ITPR2: variants seen among roughly 807,000 people sequenced by gnomAD.
ITPR2 encodes inositol 1,4,5-trisphosphate-gated calcium channel ITPR2.
ITPR2 carries 207 observed loss-of-function variants against 317.1 expected under a neutral mutation model. The observed-to-expected ratio is 0.65, with a 90% CI of 0.58 to 0.73. The LOEUF (loss-of-function observed/expected upper bound fraction) is 0.73. Ranked by LOEUF, ITPR2 falls within the 30% of genes least tolerant of loss-of-function variation. The pLI, the probability that ITPR2 is intolerant of heterozygous loss-of-function variation, is 0.00. For missense variants in ITPR2, 2,613 were observed against 3,284.0 expected, an observed-to-expected ratio of 0.80 and a Z score of 4.99; for synonymous variants, 1,156 against 1,149.1, an observed-to-expected ratio of 1.01 and a Z score of -0.12.
At chr12:26,486,682 AT>A in intron 40 of ITPR2, 1 of 522,466 alleles carries the variant, frequency 1.9e-6, no homozygotes, top group Non-Finnish European at 3.6e-6. Context: ...TGTCTTTATG[AT>A]TTGTATTTAA....
chr12:26,829,675 C>T (rs539230089), intron 1 of ITPR2, among the ~76,000 whole-genome samples: 15 of 152,248 alleles, frequency 9.9e-5, no homozygotes, highest in African/African-American at 3.4e-4. Flanking sequence ...GGACACTATT[C>T]CAGTGAAGGC....
chr12:26,362,780 T>C (rs989642505), intron 55 of ITPR2, among the ~76,000 whole-genome samples: 1 of 152,166 alleles, frequency 6.6e-6, no homozygotes, highest in Non-Finnish European at 1.5e-5. Context: ...GTATTTTCTC[T>C]CCTATCCTAG....
intron 10 of ITPR2, among the ~76,000 whole-genome samples, chr12:26,691,279 T>C (rs913066890): frequency 6.6e-6 from 1 of 152,222 alleles, no homozygotes; most frequent in African/African-American, 2.4e-5. Context: ...AGTTTAAAAT[T>C]GTGTCCTTGT....
At chr12:26,547,526 T>C (rs376215766) in intron 37 of ITPR2, among the ~76,000 whole-genome samples, 42 of 152,350 alleles carry the variant, frequency 2.8e-4, no homozygotes, top group East Asian at 2.5e-3. Flanking sequence ...AGAATTATCA[T>C]TGGATTCAGC....
At chr12:26,353,977 T>G (rs1442340766) in intron 55 of ITPR2, among the ~76,000 whole-genome samples, 2 of 152,090 alleles carry the variant, frequency 1.3e-5, no homozygotes, top group African/African-American at 4.8e-5. Context: ...AAAAATAGAA[T>G]TAAAAACTGT....
chr12:26,542,801 T>C (rs1944295905), intron 37 of ITPR2, among the ~76,000 whole-genome samples: 1 of 152,180 alleles, frequency 6.6e-6, no homozygotes, highest in Non-Finnish European at 1.5e-5. Context: ...CAGTGTAACA[T>C]TAACAGATAG....
chr12:26,780,696 C>T (rs575882975), intron 2 of ITPR2, among the ~76,000 whole-genome samples: 1 of 152,124 alleles, frequency 6.6e-6, no homozygotes, highest in Non-Finnish European at 1.5e-5. Context: ...GGCACTGTTC[C>T]TCCCATAGCC....
At chr12:26,689,941 C>A (rs1948202751) in intron 10 of ITPR2, among the ~76,000 whole-genome samples, 1 of 152,024 alleles carries the variant, frequency 6.6e-6, no homozygotes, top group Admixed American at 6.6e-5. Flanking sequence ...AGAAATAGAC[C>A]AGGAGAATTA....
intron 34 of ITPR2, among the ~76,000 whole-genome samples, chr12:26,568,381 C>T (rs1381134378): frequency 2.0e-5 from 3 of 151,890 alleles, no homozygotes; most frequent in Admixed American, 6.6e-5. Flanking sequence ...CTAGAGATAA[C>T]AGTTCTCTAA....
rs547645928 is a variant in ITPR2, at chr12:26,773,168, T to C, written c.163+16989A>G. ...ACCTACCATCTATGTGATTTGAGCA[T>C]GCTGCTTCTCTAAAGTGTGGTTTCC... On this transcript the variant is annotated intron_variant, in intron 2 of 56. Transcript: ENST00000381340. Among the ~76,000 whole-genome samples, 3 of 152,336 alleles carry C rather than the reference T, an allele frequency of 2.0e-5. No individual in the cohort carries two copies. In the South Asian group the frequency reaches 6.2e-4, roughly 32 times the overall value.
chr12:26,813,486 A>G (rs981388213), intron 1 of ITPR2, among the ~76,000 whole-genome samples: 2 of 152,192 alleles, frequency 1.3e-5, no homozygotes, highest in African/African-American at 4.8e-5. Context: ...AAGTTCTGTG[A>G]TTCTGAATAA....
intron 55 of ITPR2, among the ~76,000 whole-genome samples, chr12:26,370,924 C>T (rs1184622542): frequency 2.6e-5 from 4 of 152,222 alleles, no homozygotes; most frequent in Non-Finnish European, 4.4e-5. Flanking sequence ...CCGCCTGCCT[C>T]GGCCTCCCAA....
At chr12:26,507,303 AC>A (rs1292385773) in intron 37 of ITPR2, among the ~76,000 whole-genome samples, 1 of 152,226 alleles carries the variant, frequency 6.6e-6, no homozygotes, top group African/African-American at 2.4e-5. Flanking sequence ...GTTCAAACAA[AC>A]CTAGAGATGC....
At chr12:26,549,363 A>G (rs1944467830) in intron 37 of ITPR2, among the ~76,000 whole-genome samples, 1 of 152,192 alleles carries the variant, frequency 6.6e-6, no homozygotes, top group Non-Finnish European at 1.5e-5. Flanking sequence ...TTAATATCTA[A>G]GTTTCCATTG....
At chr12:26,572,983 G>A (rs5797181) in intron 34 of ITPR2, among the ~76,000 whole-genome samples, 4 of 51,192 alleles carry the variant, frequency 7.8e-5, no homozygotes, top group Non-Finnish European at 1.3e-4. Flanking sequence ...GTACTCAAAA[G>A]AAACTTGGAT....
intron 55 of ITPR2, among the ~76,000 whole-genome samples, chr12:26,363,787 C>G (rs1591964428): frequency 6.6e-6 from 1 of 152,006 alleles, no homozygotes. Flanking sequence ...AAGAGTCCTA[C>G]AAATTGCACT....
intron 23 of ITPR2, 141 bp downstream of exon 23, chr12:26,627,892 G>A: frequency 2.8e-6 from 2 of 709,588 alleles, no homozygotes; most frequent in South Asian, 2.0e-5. Flanking sequence ...TGCACGTTCT[G>A]CACATGTATC....
intron 45 of ITPR2, among the ~76,000 whole-genome samples, chr12:26,460,352 G>A (rs1164540725): frequency 1.3e-5 from 2 of 152,202 alleles, no homozygotes; most frequent in Non-Finnish European, 2.9e-5. Context: ...GGAGGAGAGT[G>A]TTGTGGTTTT....
intron 2 of ITPR2, among the ~76,000 whole-genome samples, chr12:26,772,478 A>T (rs1389185908): frequency 3.7e-5 from 3 of 80,640 alleles, no homozygotes; most frequent in East Asian, 5.9e-4. Context: ...TATTATATAT[A>T]ATATATATAA....
Sources: gnomAD v4.1 joint callset for allele counts (sites outside exome capture counted in the v4.1 genomes callset) on GRCh38, gnomAD v4.1.1 for gene constraint, MANE v1.5 for transcripts, NCBI Gene and HGNC (gene_info 2026-07-23, HGNC 2026-07-21) for gene names.